Variants in MBOAT7 observed in about 807,000 individuals in gnomAD.
MBOAT7 encodes membrane bound acylglycerophosphatidylinositol O-acyltransferase MBOAT7.
MBOAT7 carries 40 observed loss-of-function variants against 47.4 expected under a neutral mutation model. That is an observed-to-expected ratio of 0.84 (90% CI 0.66 to 1.10). MBOAT7 has a LOEUF of 1.10. MBOAT7 is among the 50% of genes least tolerant of loss of function. The pLI, the probability that MBOAT7 is intolerant of heterozygous loss-of-function variation, is 0.00. For missense variants in MBOAT7, 680 were observed against 655.6 expected (o/e 1.04, Z -0.41); for synonymous variants, 361 against 292.0 (o/e 1.24, Z -2.41).
chr19:54,178,993 C>T (rs762928278), intron 6 of MBOAT7, 52 bp from the exon 7 acceptor site: 3 of 1,592,290 alleles, frequency 1.9e-6, no homozygotes, highest in Non-Finnish European at 2.6e-6. Flanking sequence ...CAGCCAGGCC[C>T]CCTCCCGACG....
rs774674992 is a variant in MBOAT7, at chr19:54,174,170, G to T, written c.1293C>A (p.Phe431Leu). 1.4e-5 allele frequency: 22 copies of T among 1,601,056 alleles called. No individual in the cohort carries two copies. The Admixed American group carries it at 3.6e-4, about 26-fold the overall frequency. ...CTGCCAGGGCCAGGAAGTGGATACA[G>T]AAGTAGATGGAGGCCCAGTACCGAA... is the stretch of plus-strand genomic sequence containing the variant. ...DTLRYWASIY[F>L]CIHFLALAAL... is the part of the protein sequence containing the mutation. Residue 431 changes from phenylalanine (F) to leucine (L), a missense_variant, in exon 8 of 8, where the codon TTC becomes TTA. Coordinates refer to ENST00000245615, the MANE Select transcript of MBOAT7 (RefSeq NM_024298.5).
intron 7 of MBOAT7, 30 bp from the exon 8 acceptor site, chr19:54,174,461 C>A: frequency 6.7e-7 from 1 of 1,496,966 alleles, no homozygotes; most frequent in Admixed American, 2.3e-5. Context: ...TCAGGACCTA[C>A]GAGTCCAGGT....
intron 3 of MBOAT7, 114 bp from the exon 4 acceptor site, chr19:54,187,401 A>G: frequency 7.5e-7 from 1 of 1,325,278 alleles, no homozygotes; most frequent in Non-Finnish European, 1.0e-6. Context: ...GTTTAGAGAC[A>G]GAAACACAGA....
At chr19:54,182,449 G>A in intron 5 of MBOAT7, among the ~76,000 whole-genome samples, 1 of 151,306 alleles carries the variant, frequency 6.6e-6, no homozygotes, top group East Asian at 1.9e-4. Context: ...CAGTGGTCAT[G>A]TCTGCACAAC....
At chr19:54,188,104 G>A (rs896714663) in intron 3 of MBOAT7, 113 bp downstream of exon 3, 2 of 1,008,582 alleles carry the variant, frequency 2.0e-6, no homozygotes, top group African/African-American at 1.7e-5. Flanking sequence ...GAAATGAGCT[G>A]ATCAACAAGA....
chr19:54,181,151 A>G lies in MBOAT7; in HGVS notation c.494-18T>C. ...GAACGGGCCTGTGGGGCGGGGAGGG[A>G]GGGCCGCGGTCAGACAGGCAGGTGG... On this transcript the variant is annotated intron_variant, in intron 5 of 7. Transcript: ENST00000245615. 5.1e-6 allele frequency: 7 copies of G among 1,374,280 alleles called. No homozygotes were observed. Among genetic ancestry groups the G allele is most frequent in the South Asian group, 1.5e-5 (1 of 66,320 alleles). 85.1% of individuals were successfully genotyped at this position (1,374,280 alleles called of 1,614,324 possible).
At chr19:54,188,015 C>CAAAAAGAAAGAAAGAA (rs1491140764) in intron 3 of MBOAT7, among the ~76,000 whole-genome samples, 36 of 78,382 alleles carry the variant, frequency 4.6e-4, no homozygotes, top group African/African-American at 1.9e-3. Flanking sequence ...AACTCCATCT[C>CAAAAAGAAAGAAAGAA]AGAAAGAAAG....
chr19:54,179,798 C>A (rs1306503183), intron 6 of MBOAT7: 1 of 152,192 alleles, frequency 6.6e-6, no homozygotes, highest in Non-Finnish European at 1.5e-5. Context: ...CAGTTTGTGA[C>A]GACTAGGGGA....
At chr19:54,176,618 C>T (rs1450427527) in intron 7 of MBOAT7, among the ~76,000 whole-genome samples, 3 of 152,206 alleles carry the variant, frequency 2.0e-5, no homozygotes, top group African/African-American at 7.2e-5. Flanking sequence ...CGACTAGCAC[C>T]TTCCAGTTAC....
Position 54,188,446 on chromosome 19 carries a change from G to A in MBOAT7, c.63C>T (p.Leu21=). The change falls in exon 2 of 8, where the codon CTC becomes CTT. Residue 21 remains leucine, a synonymous_variant. Coordinates refer to ENST00000245615, the MANE Select transcript of MBOAT7 (RefSeq NM_024298.5). ...AGCCTGACTCACCGGCTTTCTTAAA[G>A]AGGAAGCCGATGGGGATGGAGATAA... ...VLLISIPIGF[L]FKKAGPGLKR... 6.4e-7 allele frequency: 1 copy of A among 1,560,040 alleles called. No homozygotes were observed. The highest frequency in any genetic ancestry group is 1.2e-5 in the South Asian group (1 of 85,694).
intron 3 of MBOAT7, among the ~76,000 whole-genome samples, 186 bp downstream of exon 3, chr19:54,188,031 A>AAG (rs2076489281): frequency 1.3e-5 from 1 of 74,740 alleles, no homozygotes; most frequent in South Asian, 4.3e-4. Flanking sequence ...GAAAGAAAGA[A>AAG]AGAAAGAAAG....
At chr19:54,184,692 C>T (rs651955) in intron 4 of MBOAT7, among the ~76,000 whole-genome samples, 32,995 of 151,796 alleles carry the variant, frequency 0.22, 3,925 homozygotes, top group East Asian at 0.52. Flanking sequence ...CACCTGAGGT[C>T]GGGAGTTCGA....
At position 54,174,176 on chromosome 19, in the gene MBOAT7, G is replaced by T; in HGVS notation, c.1287C>A (p.Ile429=). Residue 429 remains isoleucine, a synonymous_variant, in exon 8 of 8, where the codon ATC becomes ATA. Coordinates refer to ENST00000245615, the MANE Select transcript of MBOAT7 (RefSeq NM_024298.5). ...LADTLRYWAS[I]YFCIHFLALA... is the part of the protein sequence containing the mutation. ...GGGCCAGGAAGTGGATACAGAAGTA[G>T]ATGGAGGCCCAGTACCGAAGGGTGT... 1 of 1,601,632 alleles carries T rather than the reference G, an allele frequency of 6.2e-7. No individual in the cohort carries two copies. The highest frequency in any genetic ancestry group is 2.2e-5 in the East Asian group (1 of 44,472).
intron 7 of MBOAT7, among the ~76,000 whole-genome samples, chr19:54,176,126 A>G (rs987152998): frequency 1.3e-5 from 2 of 151,914 alleles, no homozygotes; most frequent in Non-Finnish European, 2.9e-5. Context: ...AAGTGCTGGG[A>G]TTACAGGTCT....
In MBOAT7 at chr19:54,174,337, CGGCAGCCAGGCACAGCGGGATGGTCA is replaced by C; in HGVS notation, c.1100_1125del (p.Leu367ArgfsTer33). On this transcript the variant is annotated frameshift_variant, in exon 8 of 8. Transcript: ENST00000245615. LOFTEE classifies it high-confidence loss of function. ...CGCAGGGCTGACTCCAGCCGGCCCTCGGCAGCCAGGCACAGCGGGATGGTCAGGAAGCTCAGGTAGTAGCCCGGGTG... is the reference window on the plus strand; with the variant it reads ...CGCAGGGCTGACTCCAGCCGGCCCTCGGAAGCTCAGGTAGTAGCCCGGGTG... The C allele has an allele frequency of 6.2e-7, 1 of 1,613,072 alleles. No homozygotes were observed. Among genetic ancestry groups the C allele is most frequent in the East Asian group, 2.2e-5 (1 of 44,852 alleles).
At chr19:54,189,061 G>A (rs1018098055) in intron 1 of MBOAT7, 1 of 147,170 alleles carries the variant, frequency 6.8e-6, no homozygotes. Context: ...AGACCACCCA[G>A]AGGAGCCCGG....
rs1181155903 is a variant in MBOAT7, at chr19:54,180,366, G to T, written c.854+407C>A. The stretch of plus-strand genomic sequence containing the variant: ...TCCTGCTTCCCTAGCAAATAGTGGC[G>T]TTCTGTTGCTAGGGAACCGTTTCCC... On this transcript the variant is annotated intron_variant, in intron 6 of 7. Coordinates refer to ENST00000245615, the MANE Select transcript of MBOAT7 (RefSeq NM_024298.5). This position sits in a 1 kb window ranked among gnomAD's most constrained non-coding sequence, Gnocchi z 5.2. 1.2e-5 allele frequency: 2 copies of T among 167,386 alleles called. No individual in the cohort carries two copies. The highest frequency in any genetic ancestry group is 4.8e-5 in the African/African-American group (2 of 41,954). The allele number at this position is 167,386 out of a possible 1,614,324, so 10.4% of individuals were successfully genotyped here.
intron 7 of MBOAT7, among the ~76,000 whole-genome samples, chr19:54,175,143 T>G (rs996457483): frequency 3.3e-5 from 5 of 151,904 alleles, no homozygotes; most frequent in South Asian, 2.1e-4. Context: ...GCCCGGCTAA[T>G]TTTCTTTTCT....
chr19:54,186,024 T>C (rs1401608252), intron 4 of MBOAT7, among the ~76,000 whole-genome samples: 1 of 150,294 alleles, frequency 6.7e-6, no homozygotes, highest in Non-Finnish European at 1.5e-5. Context: ...TTTGTTTATT[T>C]ATTTTTGAGA....
Sources: allele counts gnomAD v4.1 joint callset (sites outside exome capture counted in the v4.1 genomes callset), GRCh38; gene constraint gnomAD v4.1.1; non-coding constraint Gnocchi (gnomAD v3.1); transcripts MANE v1.5; gene names NCBI Gene and HGNC (gene_info 2026-07-23, HGNC 2026-07-21).